The following CHD2 variants were observed in gnomAD, a reference collection of about 807,000 sequenced individuals.
CHD2 encodes ATP-dependent chromatin remodeler CHD2.
Under a neutral mutation model 243.9 loss-of-function variants are expected in CHD2, and 28 were observed. The observed-to-expected ratio is 0.11, with a 90% CI of 0.09 to 0.16. The LOEUF (loss-of-function observed/expected upper bound fraction) is 0.16. Ranked by LOEUF, CHD2 falls within the 10% of genes least tolerant of loss-of-function variation. The probability of loss-of-function intolerance (pLI) is 1.00; values close to 1 mark genes in which losing one functional copy is unlikely to be tolerated. For synonymous variants in CHD2, 775 were observed against 779.0 expected (o/e 0.99, Z 0.09); for missense variants, 1,386 against 2,209.8 (o/e 0.63, Z 7.47).
chr15:92,964,176 A>G (rs949587029), intron 16 of CHD2, among the ~76,000 whole-genome samples: 2 of 152,254 alleles, frequency 1.3e-5, no homozygotes, highest in African/African-American at 2.4e-5. Flanking sequence ...AGTTGAATCA[A>G]TTATGGAATG....
Position 92,900,606 on chromosome 15 carries a change from C to A in CHD2, c.-290C>A. On this transcript the variant is annotated 5_prime_UTR_variant, in exon 1 of 39. Transcript: ENST00000394196. ...CCAGCTTAGAAGCCATGGCGCACCT[C>A]CATTTTTGTGCGCTCTCCTAATGAG... The A allele has an allele frequency of 2.5e-6, 1 of 398,554 alleles. No individual in the cohort carries two copies. 24.7% of individuals were successfully genotyped at this position (398,554 alleles called of 1,614,324 possible). A position where few individuals can be genotyped will look rare whatever the true frequency, so the allele number is the denominator to read the frequency against.
chr15:92,908,003 ATTTTTT>A (rs71877681), intron 2 of CHD2, among the ~76,000 whole-genome samples: 15 of 107,642 alleles, frequency 1.4e-4, no homozygotes, highest in East Asian at 6.2e-4. Flanking sequence ...CTCTCTTAGA[ATTTTTT>A]TTTTTTTTTT....
chr15:92,905,569 G>A (rs1337311729), intron 2 of CHD2, among the ~76,000 whole-genome samples: 2 of 152,128 alleles, frequency 1.3e-5, no homozygotes, highest in Admixed American at 6.5e-5. Context: ...TTCAGTGCAG[G>A]TGATATTTGC....
chr15:93,026,536 G>GTTGTCCAGCCTGGAC lies in CHD2; in HGVS notation c.*1836_*1850dup, dbSNP rs1260196199. On this transcript the variant is annotated 3_prime_UTR_variant, in exon 39 of 39. Transcript: ENST00000394196. The stretch of plus-strand genomic sequence containing the variant: ...TTGCTGAACCCTCACAGTTCTTGGG[G>GTTGTCCAGCCTGGAC]TTGTCCAGCCTGGACTTGTAGCACA... 6.6e-6 allele frequency: 1 copy of GTTGTCCAGCCTGGAC among 152,268 alleles called. No individual in the cohort carries two copies. Among genetic ancestry groups the GTTGTCCAGCCTGGAC allele is most frequent in the Non-Finnish European group, 1.5e-5 (1 of 68,074 alleles). The allele number at this position is 152,268 out of a possible 1,614,324, so 9.4% of individuals were successfully genotyped here.
At chr15:92,988,356 A>G (rs2054072190) in intron 26 of CHD2, among the ~76,000 whole-genome samples, 2 of 152,316 alleles carry the variant, frequency 1.3e-5, no homozygotes, top group South Asian at 2.1e-4. Context: ...AAGGGCTGGG[A>G]TTAGAAGCGT....
chr15:92,969,362 G>C (rs1222432048), intron 17 of CHD2, among the ~76,000 whole-genome samples: 1 of 152,240 alleles, frequency 6.6e-6, no homozygotes, highest in Non-Finnish European at 1.5e-5. Context: ...CGCAATCCCT[G>C]TCCTCAGGCA....
Position 93,024,568 on chromosome 15 carries a change from G to C in CHD2, c.5350G>C (p.Val1784Leu). 6.2e-7 allele frequency: 1 copy of C among 1,614,212 alleles called. No homozygotes were observed. The highest frequency in any genetic ancestry group is 8.5e-7 in the Non-Finnish European group (1 of 1,180,046). Residue 1784 changes from valine to leucine, a missense_variant, in exon 39 of 39, where the codon GTC becomes CTC. Val to Leu is a conservative substitution (Grantham distance 32). Around this residue, in one of 19 missense-constraint regions of CHD2, gnomAD observed 347 missense variants for 341.6 expected, o/e 1.02. Coordinates refer to ENST00000394196, the MANE Select transcript of CHD2 (RefSeq NM_001271.4). Reference protein sequence around the residue: ...KQPLPPLHPAVSDPRSPPSQK... With the variant: ...KQPLPPLHPALSDPRSPPSQK... Reference sequence around the variant, plus strand: ...GCCTCTACCCCCATTGCACCCTGCAGTCTCAGATCCTCGCTCACCCCCTTC... The same window carrying C: ...GCCTCTACCCCCATTGCACCCTGCACTCTCAGATCCTCGCTCACCCCCTTC...
At chr15:92,901,353 C>G in intron 2 of CHD2, 54 bp downstream of exon 2, 1 of 1,052,750 alleles carries the variant, frequency 9.5e-7, no homozygotes. Context: ...GGAGAAACCT[C>G]AGCTTACAAT....
At chr15:92,975,336 G>A (rs1299466823) in intron 20 of CHD2, among the ~76,000 whole-genome samples, 1 of 152,206 alleles carries the variant, frequency 6.6e-6, no homozygotes, top group Non-Finnish European at 1.5e-5. Context: ...TCTCAAATTT[G>A]TTGGACTTCT....
At chr15:92,992,754 AGT>A in intron 27 of CHD2, 103 bp from the exon 28 acceptor site, 1 of 1,415,020 alleles carries the variant, frequency 7.1e-7, no homozygotes, top group African/African-American at 1.4e-5. Context: ...CGCAAAGAAA[AGT>A]GTCTTTGCAG....
At chr15:92,919,922 G>A (rs991790134) in intron 2 of CHD2, among the ~76,000 whole-genome samples, 4 of 152,162 alleles carry the variant, frequency 2.6e-5, no homozygotes, top group African/African-American at 9.7e-5. Context: ...TTCCCTGAGA[G>A]CATCTGCCTC....
rs779198750 is a variant in CHD2 at position 93,024,748 on chromosome 15, G to A, written c.*43G>A. 25 of 1,523,198 alleles carry A rather than the reference G, an allele frequency of 1.6e-5. No individual in the cohort carries two copies. The highest frequency in any genetic ancestry group is 2.2e-5 in the Non-Finnish European group (25 of 1,124,728). The allele number at this position is 1,523,198 out of a possible 1,614,324, so 94.4% of individuals were successfully genotyped here. ...AGAGAGTAAGAGTCACCAAACACGT[G>A]GATATTTTTGGTCTGATCCTACAGT... On this transcript the variant is annotated 3_prime_UTR_variant, in exon 39 of 39. Transcript: ENST00000394196.
intron 7 of CHD2, among the ~76,000 whole-genome samples, chr15:92,940,350 G>A (rs1310780142): frequency 6.6e-6 from 1 of 152,134 alleles, no homozygotes; most frequent in Non-Finnish European, 1.5e-5. Flanking sequence ...AGCTACTTGG[G>A]AGGCTGAGGT....
intron 16 of CHD2, among the ~76,000 whole-genome samples, chr15:92,964,207 C>T (rs2053725990): frequency 6.8e-6 from 1 of 147,872 alleles, no homozygotes; most frequent in Non-Finnish European, 1.5e-5. Flanking sequence ...GTTAGAGATG[C>T]AAGTTTTTTT....
At chr15:92,926,278 C>T (rs535865867) in intron 3 of CHD2, among the ~76,000 whole-genome samples, 1 of 152,226 alleles carries the variant, frequency 6.6e-6, no homozygotes, top group Non-Finnish European at 1.5e-5. Flanking sequence ...TAAATACAAA[C>T]ATTTCACAAG....
In CHD2 at chr15:92,934,585, A is replaced by G. The variant is rs190131154; in HGVS notation, c.444-2933A>G. On this transcript the variant is annotated intron_variant, in intron 5 of 38. Coordinates refer to ENST00000394196, the MANE Select transcript of CHD2 (RefSeq NM_001271.4). ...CTTGATAAGATTTGCATTTTATAAG[A>G]GGCCAGTAATGTAGGAGAGGACAGC... Among the ~76,000 whole-genome samples the G allele has an allele frequency of 5.3e-5, 8 of 152,330 alleles. No individual in the cohort carries two copies. In the East Asian group the frequency reaches 9.6e-4, roughly 18 times the overall value.
chr15:92,923,584 G>A (rs961866393), intron 2 of CHD2, among the ~76,000 whole-genome samples: 1 of 98,298 alleles, frequency 1.0e-5, no homozygotes, highest in African/African-American at 3.8e-5. Flanking sequence ...TTTTTTTTCT[G>A]GAGACCAAGT....
rs762068313 is a variant in CHD2, at chr15:93,002,337, C to G, written c.4278+20C>G. 6.9e-6 allele frequency: 11 copies of G among 1,584,936 alleles called. No homozygotes were observed. The highest frequency in any genetic ancestry group is 8.5e-6 in the Non-Finnish European group (10 of 1,172,758). On this transcript the variant is annotated intron_variant, in intron 33 of 38. Coordinates refer to ENST00000394196, the MANE Select transcript of CHD2 (RefSeq NM_001271.4). ...GAGAAGGTAATGATGCCCTTCTGTT[C>G]ATGCAGATATCCACAGCCTTTGCAA...
At chr15:92,993,075 A>C in intron 28 of CHD2, 77 bp downstream of exon 28, 1 of 1,534,224 alleles carries the variant, frequency 6.5e-7, no homozygotes, top group South Asian at 1.2e-5. Flanking sequence ...AGGGCGTTTT[A>C]AGGACAGGCT....
Sources: gnomAD v4.1 joint callset for allele counts (sites outside exome capture counted in the v4.1 genomes callset) on GRCh38, gnomAD v4.1.1 for gene constraint, gnomAD v4.1.1 regional missense constraint, MANE v1.5 for transcripts, NCBI Gene and HGNC (gene_info 2026-07-23, HGNC 2026-07-21) for gene names.